Variants in PTPN14 observed in about 807,000 individuals in gnomAD.
PTPN14 encodes protein tyrosine phosphatase non-receptor type 14.
PTPN14 carries 53 observed loss-of-function variants against 126.8 expected under a neutral mutation model. The ratio of observed to expected loss-of-function variants is 0.42; its 90% CI spans 0.34 to 0.53. The LOEUF (loss-of-function observed/expected upper bound fraction) is 0.53. Among genes scored for constraint, PTPN14 ranks in the 20% least tolerant of loss-of-function variants. PTPN14 has a pLI of 0.08. For missense variants in PTPN14, 1,257 were observed against 1,552.9 expected (o/e 0.81, Z 3.20); for synonymous variants, 630 against 599.3 (o/e 1.05, Z -0.75).
At chr1:214,507,440 G>A (rs529195431) in intron 1 of PTPN14, among the ~76,000 whole-genome samples, 3 of 152,302 alleles carry the variant, frequency 2.0e-5, no homozygotes, top group South Asian at 2.1e-4. Context: ...TCAAGACACA[G>A]CATATATACC....
At chr1:214,502,170 CAT>C (rs780564987) in intron 1 of PTPN14, among the ~76,000 whole-genome samples, 6 of 151,524 alleles carry the variant, frequency 4.0e-5, no homozygotes, top group South Asian at 4.2e-4. Context: ...TGGGAGCTCT[CAT>C]AAAGATTTTT....
At chr1:214,460,971 T>C (rs1340108315) in intron 2 of PTPN14, among the ~76,000 whole-genome samples, 2 of 151,888 alleles carry the variant, frequency 1.3e-5, no homozygotes, top group Admixed American at 1.3e-4. Flanking sequence ...TAATGATGTG[T>C]CAATGTAGGT....
chr1:214,507,157 T>C (rs1654864691), intron 1 of PTPN14, among the ~76,000 whole-genome samples: 1 of 152,164 alleles, frequency 6.6e-6, no homozygotes, highest in Non-Finnish European at 1.5e-5. Context: ...AAACAAACTA[T>C]GAAAGGTATA....
chr1:214,447,305 G>A (rs1401403119), intron 3 of PTPN14, among the ~76,000 whole-genome samples: 5 of 152,066 alleles, frequency 3.3e-5, no homozygotes, highest in Non-Finnish European at 7.4e-5. Context: ...AGAAGGCTGA[G>A]ATTCCCAAAG....
intron 1 of PTPN14, among the ~76,000 whole-genome samples, chr1:214,526,674 T>C (rs959385865): frequency 6.6e-6 from 1 of 152,226 alleles, no homozygotes; most frequent in African/African-American, 2.4e-5. Context: ...ATAGGCATTC[T>C]GATTATCAGT....
intron 1 of PTPN14, among the ~76,000 whole-genome samples, chr1:214,507,794 A>C (rs1485867813): frequency 6.6e-6 from 1 of 152,186 alleles, no homozygotes; most frequent in African/African-American, 2.4e-5. Context: ...CTATTAGTCT[A>C]TAAAGTGTGC....
At chr1:214,406,625 A>C (rs914182784) in intron 5 of PTPN14, among the ~76,000 whole-genome samples, 3 of 152,226 alleles carry the variant, frequency 2.0e-5, no homozygotes, top group African/African-American at 7.2e-5. Context: ...TTTAGATCCA[A>C]GAATAACAAT....
In PTPN14 at chr1:214,500,572, T is replaced by C. The variant is rs1479726926; in HGVS notation, c.-154-35615A>G. 3.9e-5 allele frequency among the ~76,000 whole-genome samples: 6 copies of C among 152,016 alleles called. No individual in the cohort carries two copies. The East Asian group carries it at 1.2e-3, about 29-fold the overall frequency. On this transcript the variant is annotated intron_variant, in intron 1 of 18. Coordinates refer to ENST00000366956, the MANE Select transcript of PTPN14 (RefSeq NM_005401.5). ...TGAGGCATCGGCTCACTGAGTGAAG[T>C]GCTGAGATTTCTCTCAAGGACAACC...
intron 1 of PTPN14, among the ~76,000 whole-genome samples, chr1:214,484,819 G>A (rs1048725063): frequency 6.6e-6 from 1 of 152,198 alleles, no homozygotes; most frequent in Admixed American, 6.5e-5. Flanking sequence ...CTCCAAGAGG[G>A]ATGTCTTCAG....
chr1:214,482,532 T>C (rs1661013456), intron 1 of PTPN14, among the ~76,000 whole-genome samples: 1 of 150,324 alleles, frequency 6.7e-6, no homozygotes, highest in African/African-American at 2.5e-5. Context: ...TAGTAGCCAA[T>C]ACATAGAGGC....
At chr1:214,399,019 G>A (rs1012943134) in intron 7 of PTPN14, among the ~76,000 whole-genome samples, 3 of 151,922 alleles carry the variant, frequency 2.0e-5, no homozygotes, top group Non-Finnish European at 2.9e-5. Flanking sequence ...CACCCGCCTC[G>A]GACTCCCAAA....
intron 9 of PTPN14, 51 bp from the exon 10 acceptor site, chr1:214,393,828 T>C (rs1269500721): frequency 1.3e-5 from 18 of 1,396,264 alleles, no homozygotes; most frequent in Admixed American, 1.7e-5. Context: ...GAATTAGTTA[T>C]ACATTTCATT....
chr1:214,453,181 A>G (rs1463690076), intron 2 of PTPN14, among the ~76,000 whole-genome samples: 1 of 152,264 alleles, frequency 6.6e-6, no homozygotes, highest in Non-Finnish European at 1.5e-5. Context: ...AGTTCACATC[A>G]GAAATCTATG....
chr1:214,490,631 G>C (rs1571617915), intron 1 of PTPN14, among the ~76,000 whole-genome samples: 1 of 151,740 alleles, frequency 6.6e-6, no homozygotes, highest in Admixed American at 6.6e-5. Context: ...GAGGGCAGAA[G>C]TTCACGACCA....
In PTPN14 at chr1:214,364,421, C is replaced by T; in HGVS notation, c.3435+91G>A. The T allele has an allele frequency of 6.8e-7, 1 of 1,472,798 alleles. No individual in the cohort carries two copies. Among genetic ancestry groups the T allele is most frequent in the Non-Finnish European group, 9.1e-7 (1 of 1,096,210 alleles). 91.2% of individuals were successfully genotyped at this position (1,472,798 alleles called of 1,614,324 possible). ...TGGTTGGGAGACAGGAAATTAACCA[C>T]TGAAAATGCAAGGGTGCAGGCAAAG... On this transcript the variant is annotated intron_variant, in intron 18 of 18. Coordinates refer to ENST00000366956, the MANE Select transcript of PTPN14 (RefSeq NM_005401.5). The surrounding 1 kb of genome is among the most constrained non-coding windows in gnomAD (Gnocchi z 4.1).
chr1:214,494,957 T>G (rs1446582345), intron 1 of PTPN14, among the ~76,000 whole-genome samples: 1 of 152,152 alleles, frequency 6.6e-6, no homozygotes, highest in East Asian at 1.9e-4. Flanking sequence ...ACTCAACAGG[T>G]CTTAGAGATG....
At chr1:214,424,787 G>A (rs900253375) in intron 3 of PTPN14, among the ~76,000 whole-genome samples, 6 of 152,170 alleles carry the variant, frequency 3.9e-5, no homozygotes, top group African/African-American at 7.2e-5. Context: ...GACCTCAGAC[G>A]ATCTCCATGC....
chr1:214,443,765 A>G (rs561391151), intron 3 of PTPN14, among the ~76,000 whole-genome samples: 1 of 152,202 alleles, frequency 6.6e-6, no homozygotes, highest in African/African-American at 2.4e-5. Context: ...AGCATGGGGT[A>G]CTGTGCAACT....
At chr1:214,446,612 T>C (rs567878216) in intron 3 of PTPN14, among the ~76,000 whole-genome samples, 1 of 152,224 alleles carries the variant, frequency 6.6e-6, no homozygotes, top group South Asian at 2.1e-4. Context: ...CTGAATACAC[T>C]ACTGACCTAA....
Sources: allele counts gnomAD v4.1 joint callset (sites outside exome capture counted in the v4.1 genomes callset), GRCh38; gene constraint gnomAD v4.1.1; non-coding constraint Gnocchi (gnomAD v3.1); transcripts MANE v1.5; gene names NCBI Gene and HGNC (gene_info 2026-07-23, HGNC 2026-07-21).